CACNB2: variants seen among roughly 807,000 people sequenced by gnomAD.
CACNB2 encodes voltage-dependent L-type calcium channel subunit beta-2.
A neutral mutation model predicts 73.3 loss-of-function variants in CACNB2; 42 were observed. The observed-to-expected ratio is 0.57, with a 90% confidence interval of 0.45 to 0.74. The LOEUF is 0.74. Ranked by LOEUF, CACNB2 falls within the 30% of genes least tolerant of loss-of-function variation. The pLI is 0.00. For synonymous variants in CACNB2, 348 were observed against 310.3 expected (o/e 1.12, Z -1.28); for missense variants, 940 against 853.0 (o/e 1.10, Z -1.27).
chr10:18,298,584 A>C (rs1229908853), intron 2 of CACNB2, among the ~76,000 whole-genome samples: 1 of 152,198 alleles, frequency 6.6e-6, no homozygotes, highest in Non-Finnish European at 1.5e-5. Context: ...TTACCAACTC[A>C]TAGCCAGTTC....
At chr10:18,206,353 C>T (rs1341013143) in intron 2 of CACNB2, 1 of 152,514 alleles carries the variant, frequency 6.6e-6, no homozygotes, top group Non-Finnish European at 1.5e-5. Context: ...TGAAGGCAGT[C>T]CTCTTCCCTG....
At chr10:18,373,547 CAT>C (rs1174900122) in intron 2 of CACNB2, among the ~76,000 whole-genome samples, 1 of 152,172 alleles carries the variant, frequency 6.6e-6, no homozygotes, top group African/African-American at 2.4e-5. Context: ...CCCAAGATCA[CAT>C]AGTTCATAAG....
At chr10:18,167,310 G>T (rs1369220160) in intron 2 of CACNB2, among the ~76,000 whole-genome samples, 1 of 152,094 alleles carries the variant, frequency 6.6e-6, no homozygotes. Flanking sequence ...AGGGGGAAGG[G>T]TGAGAGGGGA....
chr10:18,203,103 TG>T, intron 2 of CACNB2, among the ~76,000 whole-genome samples: 1 of 152,334 alleles, frequency 6.6e-6, no homozygotes, highest in East Asian at 1.9e-4. Context: ...CAGTACCTCA[TG>T]GGTACAAAAG....
At chr10:18,353,917 T>C (rs982223766) in intron 2 of CACNB2, among the ~76,000 whole-genome samples, 4 of 152,226 alleles carry the variant, frequency 2.6e-5, no homozygotes, top group Non-Finnish European at 5.9e-5. Context: ...CAATAAATCT[T>C]ACTAGCCATT....
intron 1 of CACNB2, among the ~76,000 whole-genome samples, chr10:18,146,213 T>A (rs995126100): frequency 2.0e-5 from 3 of 152,194 alleles, no homozygotes; most frequent in African/African-American, 7.2e-5. Flanking sequence ...TGGATAGTTT[T>A]GGCTTTGTTT....
chr10:18,432,777 A>G (rs867904504), intron 3 of CACNB2, among the ~76,000 whole-genome samples: 12 of 152,240 alleles, frequency 7.9e-5, no homozygotes, highest in African/African-American at 2.6e-4. Context: ...AGAGGTTGCA[A>G]TGAGCCAAGA....
At chr10:18,332,834 G>A (rs1267268151) in intron 2 of CACNB2, among the ~76,000 whole-genome samples, 5 of 152,132 alleles carry the variant, frequency 3.3e-5, no homozygotes, top group Non-Finnish European at 1.5e-5. Flanking sequence ...ATAATCAGCA[G>A]TTCATTTACA....
At chr10:18,506,647 T>A (rs2050504083) in intron 6 of CACNB2, 100 bp downstream of exon 6, 1 of 778,492 alleles carries the variant, frequency 1.3e-6, no homozygotes, top group Admixed American at 1.9e-5. Context: ...ATCACTATGT[T>A]AACCCTACAG....
chr10:18,140,657 G>T lies in CACNB2; in HGVS notation c.-80G>T. On this transcript the variant is annotated 5_prime_UTR_variant, in exon 1 of 14. Coordinates refer to ENST00000324631, the MANE Select transcript of CACNB2 (RefSeq NM_201596.3). ...CCTGGGCGGCCCCCAGAGCCGATCA[G>T]AGCGCGGGGAGGCGGGGGCGAGGAG... 1 of 1,308,618 alleles carries T rather than the reference G, an allele frequency of 7.6e-7. No homozygotes were observed. Among genetic ancestry groups the T allele is most frequent in the South Asian group, 1.3e-5 (1 of 78,346 alleles). The allele number at this position is 1,308,618 out of a possible 1,614,324, so 81.1% of individuals were successfully genotyped here. A position where few individuals can be genotyped will look rare whatever the true frequency, so the allele number is the denominator to read the frequency against.
intron 3 of CACNB2, among the ~76,000 whole-genome samples, chr10:18,454,701 A>G (rs961201426): frequency 6.6e-6 from 1 of 152,206 alleles, no homozygotes; most frequent in Non-Finnish European, 1.5e-5. Flanking sequence ...ACACATGCAC[A>G]ATTTTCTTTC....
intron 5 of CACNB2, among the ~76,000 whole-genome samples, chr10:18,504,713 C>T (rs1384924935): frequency 6.6e-6 from 1 of 152,062 alleles, no homozygotes; most frequent in African/African-American, 2.4e-5. Context: ...GGCGCAGTCT[C>T]GACTCACTGC....
At chr10:18,306,887 A>T (rs2039749521) in intron 2 of CACNB2, among the ~76,000 whole-genome samples, 1 of 152,178 alleles carries the variant, frequency 6.6e-6, no homozygotes, top group African/African-American at 2.4e-5. Flanking sequence ...AGATAGGGTG[A>T]AAATATAAAA....
In CACNB2 at chr10:18,540,293, A is replaced by G. The variant is rs564234939; in HGVS notation, c.*569A>G. ...TGTGTACTGTATAGACAGTTTGTAA[A>G]TGTTATTTCTGCAAACAAACACCTT... On this transcript the variant is annotated 3_prime_UTR_variant, in exon 14 of 14. Transcript: ENST00000324631. 1 of 151,832 alleles carries G rather than the reference A, an allele frequency of 6.6e-6. No homozygotes were observed. Among genetic ancestry groups the G allele is most frequent in the Non-Finnish European group, 1.5e-5 (1 of 67,944 alleles). The allele number at this position is 151,832 out of a possible 1,614,324, so 9.4% of individuals were successfully genotyped here. A position where few individuals can be genotyped will look rare whatever the true frequency, so the allele number is the denominator to read the frequency against.
intron 3 of CACNB2, among the ~76,000 whole-genome samples, chr10:18,426,174 G>T (rs2045589411): frequency 6.6e-6 from 1 of 152,098 alleles, no homozygotes; most frequent in South Asian, 2.1e-4. Flanking sequence ...TTTGTTTGGG[G>T]TTGCATTTAA....
intron 5 of CACNB2, among the ~76,000 whole-genome samples, chr10:18,504,639 T>TTG (rs113483548): frequency 3.3e-5 from 5 of 151,648 alleles, no homozygotes; most frequent in Non-Finnish European, 5.9e-5. Flanking sequence ...TTCTCTCCTT[T>TTG]TGTGTGTGTG....
At chr10:18,470,513 A>T (rs531768276) in intron 3 of CACNB2, among the ~76,000 whole-genome samples, 5 of 151,180 alleles carry the variant, frequency 3.3e-5, no homozygotes, top group South Asian at 4.2e-4. Context: ...ACTATGATAT[A>T]CTGTGTATAT....
chr10:18,490,301 C>A (rs2049335349), intron 3 of CACNB2, among the ~76,000 whole-genome samples: 1 of 152,164 alleles, frequency 6.6e-6, no homozygotes, highest in Non-Finnish European at 1.5e-5. Context: ...ACTTTTAATT[C>A]TTTATCCCAA....
rs539428020 is a variant in CACNB2 at position 18,436,517 on chromosome 10, G to C, written c.333+34474G>C. 3.3e-5 allele frequency among the ~76,000 whole-genome samples: 5 copies of C among 152,276 alleles called. No individual in the cohort carries two copies. In the South Asian group the frequency reaches 1.0e-3, roughly 32 times the overall value. On this transcript the variant is annotated intron_variant, in intron 3 of 13. Coordinates refer to ENST00000324631, the MANE Select transcript of CACNB2 (RefSeq NM_201596.3). ...GATCAAAATTAGAATAGGACTTGTA[G>C]GTAAAAATTGGCCCTTGAGAAGGTA...
Sources: allele counts gnomAD v4.1 joint callset (sites outside exome capture counted in the v4.1 genomes callset), GRCh38; gene constraint gnomAD v4.1.1; transcripts MANE v1.5; gene names NCBI Gene and HGNC (gene_info 2026-07-23, HGNC 2026-07-21).